The following SLX4IP variants were observed in gnomAD, a reference collection of about 807,000 sequenced individuals.
SLX4IP encodes SLX4 interacting protein.
Under a neutral mutation model 32.9 loss-of-function variants are expected in SLX4IP, and 34 were observed. The ratio of observed to expected loss-of-function variants is 1.03; its 90% confidence interval spans 0.79 to 1.38. The LOEUF (loss-of-function observed/expected upper bound fraction) is 1.38, where lower values mean the gene tolerates loss of function less well. Among genes scored for constraint, SLX4IP ranks in the 40% most tolerant of loss-of-function variants. SLX4IP has a pLI of 0.00. For synonymous variants in SLX4IP, 172 were observed against 171.7 expected, an observed-to-expected ratio of 1.00 and a Z score of -0.01; for missense variants, 444 against 479.0, an observed-to-expected ratio of 0.93 and a Z score of 0.68.
chr20:10,441,585 A>G (rs1261412317), intron 1 of SLX4IP, among the ~76,000 whole-genome samples: 2 of 152,194 alleles, frequency 1.3e-5, no homozygotes, highest in Admixed American at 6.5e-5. Context: ...TAGAGTAACT[A>G]AAAGGTAGCA....
chr20:10,476,514 T>G (rs928280201), intron 2 of SLX4IP, among the ~76,000 whole-genome samples: 5 of 152,194 alleles, frequency 3.3e-5, no homozygotes, highest in Admixed American at 3.3e-4. Context: ...ATAAAATGAT[T>G]ACATTTTTAA....
At chr20:10,497,482 C>G (rs1325832822) in intron 2 of SLX4IP, among the ~76,000 whole-genome samples, 1 of 152,126 alleles carries the variant, frequency 6.6e-6, no homozygotes, top group Non-Finnish European at 1.5e-5. Context: ...TCAATTTTGG[C>G]AGTCTCTAGT....
chr20:10,606,843 T>A (rs936014659), intron 6 of SLX4IP, among the ~76,000 whole-genome samples: 1 of 152,196 alleles, frequency 6.6e-6, no homozygotes, highest in Non-Finnish European at 1.5e-5. Context: ...CCATTTTTTT[T>A]ACTGATGATT....
intron 2 of SLX4IP, among the ~76,000 whole-genome samples, chr20:10,553,026 T>G (rs935786127): frequency 1.3e-5 from 2 of 152,196 alleles, no homozygotes; most frequent in African/African-American, 4.8e-5. Flanking sequence ...TCCAGAATCC[T>G]TGGAACTTCA....
intron 1 of SLX4IP, among the ~76,000 whole-genome samples, chr20:10,441,367 G>T (rs1320945935): frequency 6.6e-6 from 1 of 152,144 alleles, no homozygotes; most frequent in African/African-American, 2.4e-5. Context: ...ACCTGGGGAG[G>T]TTGAGGTTTC....
chr20:10,627,314 A>G lies in SLX4IP; in HGVS notation c.*3935A>G, dbSNP rs193213029. The G allele has an allele frequency of 1.1e-3, 166 of 152,364 alleles. No individual in the cohort carries two copies. The highest frequency in any genetic ancestry group is 3.9e-3 in the African/African-American group (161 of 41,582). The allele number at this position is 152,364 out of a possible 1,614,324, so 9.4% of individuals were successfully genotyped here. A position where few individuals can be genotyped will look rare whatever the true frequency, so the allele number is the denominator to read the frequency against. ...TTCCTTATTATTGAAACATTAATGAACTGAAACACGTTGAAGCAAGTAAAA... is the reference window on the plus strand; with the variant it reads ...TTCCTTATTATTGAAACATTAATGAGCTGAAACACGTTGAAGCAAGTAAAA... On this transcript the variant is annotated 3_prime_UTR_variant, in exon 8 of 8. Transcript: ENST00000334534.
At chr20:10,502,739 T>C (rs1235225587) in intron 2 of SLX4IP, among the ~76,000 whole-genome samples, 2 of 152,048 alleles carry the variant, frequency 1.3e-5, no homozygotes, top group Non-Finnish European at 2.9e-5. Context: ...TTCATCATAC[T>C]CAAGTCATCA....
chr20:10,527,312 A>G (rs2122458317), intron 2 of SLX4IP, among the ~76,000 whole-genome samples: 1 of 152,348 alleles, frequency 6.6e-6, no homozygotes, highest in Non-Finnish European at 1.5e-5. Context: ...GGAGTTAAAA[A>G]TACGAAGAAC....
chr20:10,437,384 G>C (rs1269835923), intron 1 of SLX4IP, among the ~76,000 whole-genome samples: 1 of 152,174 alleles, frequency 6.6e-6, no homozygotes, highest in African/African-American at 2.4e-5. Flanking sequence ...ACAGACTCCA[G>C]CCCTGTATCT....
chr20:10,472,204 T>C (rs2065429792), intron 2 of SLX4IP, among the ~76,000 whole-genome samples: 1 of 151,766 alleles, frequency 6.6e-6, no homozygotes, highest in African/African-American at 2.4e-5. Context: ...TCTAAGGGCC[T>C]GTCAAACTCT....
chr20:10,443,374 A>T (rs1038893905), intron 1 of SLX4IP, among the ~76,000 whole-genome samples: 2 of 152,192 alleles, frequency 1.3e-5, no homozygotes, highest in Non-Finnish European at 2.9e-5. Flanking sequence ...AGTCAGGGAG[A>T]GGACCAGAGT....
intron 4 of SLX4IP, among the ~76,000 whole-genome samples, chr20:10,590,639 G>A (rs1258912964): frequency 1.3e-5 from 2 of 152,114 alleles, no homozygotes; most frequent in Non-Finnish European, 2.9e-5. Flanking sequence ...AGAATTACAG[G>A]CATGAGCCAC....
At chr20:10,581,308 C>T (rs748548049) in intron 4 of SLX4IP, among the ~76,000 whole-genome samples, 1 of 152,118 alleles carries the variant, frequency 6.6e-6, no homozygotes, top group African/African-American at 2.4e-5. Context: ...TGGCTTCATA[C>T]AGAACCTTAC....
At chr20:10,453,439 C>A (rs902869369) in intron 1 of SLX4IP, among the ~76,000 whole-genome samples, 1 of 152,070 alleles carries the variant, frequency 6.6e-6, no homozygotes, top group Non-Finnish European at 1.5e-5. Flanking sequence ...TCACCAGATC[C>A]TCAGCTTTGC....
intron 6 of SLX4IP, among the ~76,000 whole-genome samples, chr20:10,618,088 C>G (rs1223246580): frequency 6.6e-6 from 1 of 152,220 alleles, no homozygotes; most frequent in Non-Finnish European, 1.5e-5. Flanking sequence ...TCAGCCCATA[C>G]AGGAATAGGG....
intron 1 of SLX4IP, among the ~76,000 whole-genome samples, chr20:10,456,621 G>A (rs1188524010): frequency 7.2e-5 from 11 of 152,320 alleles, no homozygotes; most frequent in South Asian, 2.1e-4. Context: ...ATTAACAGGC[G>A]TGAGCCACTG....
intron 5 of SLX4IP, among the ~76,000 whole-genome samples, chr20:10,599,258 T>G (rs1225020133): frequency 6.6e-6 from 1 of 152,208 alleles, no homozygotes; most frequent in Non-Finnish European, 1.5e-5. Context: ...CAGGTTGATC[T>G]GAGCACTGGA....
At chr20:10,460,706 G>C (rs2065330262) in intron 2 of SLX4IP, among the ~76,000 whole-genome samples, 1 of 152,102 alleles carries the variant, frequency 6.6e-6, no homozygotes, top group Non-Finnish European at 1.5e-5. Flanking sequence ...GCATTCACAG[G>C]GTCAGCCTAG....
intron 2 of SLX4IP, among the ~76,000 whole-genome samples, chr20:10,540,029 G>A (rs780756758): frequency 3.3e-5 from 5 of 151,978 alleles, no homozygotes; most frequent in Admixed American, 6.6e-5. Flanking sequence ...TCACCATGGG[G>A]CTGAGCTTTA....
Sources: gnomAD v4.1 joint callset for allele counts (sites outside exome capture counted in the v4.1 genomes callset) on GRCh38, gnomAD v4.1.1 for gene constraint, MANE v1.5 for transcripts, NCBI Gene and HGNC (gene_info 2026-07-23, HGNC 2026-07-21) for gene names.